SLC71A1: variants seen among roughly 807,000 people sequenced by gnomAD.
The protein encoded by SLC71A1 is solute carrier family 71 member 1, also known as hippocampus abundant gene transcript 1.
the SLC71A1 span, chr1:100,038,404 C>T: frequency 1.9e-6 from 2 of 1,062,652 alleles, no homozygotes; most frequent in Non-Finnish European, 1.4e-6. Flanking sequence ...TCTAGGCGTC[C>T]CGGTGCCTCC....
At chr1:100,047,950 G>A in the SLC71A1 span, among the ~76,000 whole-genome samples, 4 of 152,146 alleles carry the variant, frequency 2.6e-5, no homozygotes, top group African/African-American at 7.2e-5. Context: ...AGTAAACAAT[G>A]TGATATCACT....
chr1:100,049,556 C>CTT, the SLC71A1 span, among the ~76,000 whole-genome samples: 1 of 152,164 alleles, frequency 6.6e-6, no homozygotes, highest in Non-Finnish European at 1.5e-5. Context: ...TGCCGCAAGC[C>CTT]TTGGAAGCTT....
the SLC71A1 span, among the ~76,000 whole-genome samples, chr1:100,061,239 A>G: frequency 5.3e-5 from 8 of 152,234 alleles, no homozygotes; most frequent in East Asian, 1.9e-4. Context: ...ATAGCAAAAT[A>G]TAGTTTACTC....
the SLC71A1 span, among the ~76,000 whole-genome samples, chr1:100,047,508 C>T: frequency 3.3e-4 from 51 of 152,278 alleles, no homozygotes; most frequent in East Asian, 1.5e-3. Context: ...CCGCAACTTC[C>T]GCCTCCCGCG....
the SLC71A1 span, among the ~76,000 whole-genome samples, chr1:100,067,569 G>A: frequency 2.0e-5 from 3 of 152,180 alleles, no homozygotes; most frequent in African/African-American, 2.4e-5. Context: ...CCAGCCCTTC[G>A]GGAGGCTGAG....
At chr1:100,044,039 A>C in the SLC71A1 span, among the ~76,000 whole-genome samples, 4 of 152,120 alleles carry the variant, frequency 2.6e-5, no homozygotes, top group Non-Finnish European at 4.4e-5. Flanking sequence ...TTTTTCATAT[A>C]ATGACTTCTT....
chr1:100,044,127 A>T, the SLC71A1 span, among the ~76,000 whole-genome samples: 1 of 152,232 alleles, frequency 6.6e-6, no homozygotes, highest in Non-Finnish European at 1.5e-5. Flanking sequence ...AGGAATCGCC[A>T]TACTGTTTTC....
chr1:100,082,668 A>T, the SLC71A1 span: 1 of 154,814 alleles, frequency 6.5e-6, no homozygotes, highest in Non-Finnish European at 1.4e-5. Flanking sequence ...AATAATTCAA[A>T]GCCTTAATGC....
the SLC71A1 span, among the ~76,000 whole-genome samples, chr1:100,040,895 G>A: frequency 1.3e-5 from 2 of 152,170 alleles, no homozygotes; most frequent in East Asian, 3.9e-4. Flanking sequence ...ATAAAGTTCC[G>A]CCAATGGGTA....
chr1:100,077,398 A>G, the SLC71A1 span: 3 of 610,752 alleles, frequency 4.9e-6, no homozygotes, highest in African/African-American at 5.8e-5. Flanking sequence ...TTATCTTTCA[A>G]AATGTGTCTA....
chr1:100,068,240 T>C, the SLC71A1 span: 1 of 1,416,586 alleles, frequency 7.1e-7, no homozygotes, highest in South Asian at 1.2e-5. Flanking sequence ...AAGTGCATGA[T>C]TCAGTGCAGC....
At chr1:100,041,950 A>G in the SLC71A1 span, among the ~76,000 whole-genome samples, 1 of 152,020 alleles carries the variant, frequency 6.6e-6, no homozygotes, top group Non-Finnish European at 1.5e-5. Flanking sequence ...GTTTTTAGTT[A>G]CAGGTTTTCA....
the SLC71A1 span, among the ~76,000 whole-genome samples, chr1:100,064,042 T>A: frequency 1.3e-5 from 2 of 152,340 alleles, no homozygotes; most frequent in East Asian, 3.9e-4. Context: ...TGGGTCCCTC[T>A]GAAACCACAC....
At chr1:100,050,191 G>C in the SLC71A1 span, among the ~76,000 whole-genome samples, 1 of 151,918 alleles carries the variant, frequency 6.6e-6, no homozygotes, top group Non-Finnish European at 1.5e-5. Flanking sequence ...TGGGAGGGGG[G>C]TGGCGTGGAG....
At chr1:100,048,036 A>C in the SLC71A1 span, among the ~76,000 whole-genome samples, 1 of 152,096 alleles carries the variant, frequency 6.6e-6, no homozygotes, top group Non-Finnish European at 1.5e-5. Flanking sequence ...AAATTACCCT[A>C]CCTATACATG....
At chr1:100,050,426 A>G in the SLC71A1 span, among the ~76,000 whole-genome samples, 3 of 152,174 alleles carry the variant, frequency 2.0e-5, no homozygotes, top group African/African-American at 7.2e-5. Context: ...TCTTTAATAG[A>G]TCTAAGCTGA....
At chr1:100,072,903 G>C in the SLC71A1 span, among the ~76,000 whole-genome samples, 1 of 151,960 alleles carries the variant, frequency 6.6e-6, no homozygotes. Context: ...CCTCTCTGTG[G>C]GGGTGACTCC....
the SLC71A1 span, chr1:100,061,802 C>T: frequency 7.7e-7 from 1 of 1,297,158 alleles, no homozygotes; most frequent in South Asian, 1.2e-5. Context: ...ATGGTAATTG[C>T]TCTAACCATT....
the SLC71A1 span, chr1:100,068,409 C>T: frequency 8.6e-7 from 1 of 1,161,786 alleles, no homozygotes; most frequent in Non-Finnish European, 1.3e-6. Flanking sequence ...TCTGCGTATT[C>T]TTAAGAATAG....
Sources: allele counts gnomAD v4.1 joint callset (sites outside exome capture counted in the v4.1 genomes callset), GRCh38; gene constraint gnomAD v4.1.1; transcripts MANE v1.5; gene names NCBI Gene and HGNC (gene_info 2026-07-23, HGNC 2026-07-21).